IMMP2L: variants seen among roughly 807,000 people sequenced by gnomAD.
IMMP2L encodes the protein mitochondrial inner membrane protease subunit 2.
A neutral mutation model predicts 19.3 loss-of-function variants in IMMP2L; 18 were observed. That is an observed-to-expected ratio of 0.93 (90% CI 0.64 to 1.38). The LOEUF (loss-of-function observed/expected upper bound fraction) is 1.38, where lower values mean the gene tolerates loss of function less well. IMMP2L is among the 40% of genes most tolerant of loss of function. The pLI is 0.00. For synonymous variants in IMMP2L, 76 were observed against 73.0 expected (o/e 1.04, Z -0.21); for missense variants, 233 against 218.2 (o/e 1.07, Z -0.43).
intron 3 of IMMP2L, among the ~76,000 whole-genome samples, chr7:111,468,005 C>T (rs892203834): frequency 4.6e-5 from 7 of 152,038 alleles, no homozygotes; most frequent in African/African-American, 7.2e-5. Context: ...ATCTCAAATA[C>T]GCTAGGAGAA....
At chr7:111,264,950 TTTACCTGCATCTTTG>T (rs1181590839) in intron 3 of IMMP2L, among the ~76,000 whole-genome samples, 1 of 152,108 alleles carries the variant, frequency 6.6e-6, no homozygotes, top group Non-Finnish European at 1.5e-5. Context: ...TACCTTCATC[TTTACCTGCATCTTTG>T]TTACCTGCAT....
intron 5 of IMMP2L, among the ~76,000 whole-genome samples, chr7:110,863,228 C>CT (rs2129543021): frequency 6.6e-6 from 1 of 152,182 alleles, no homozygotes; most frequent in East Asian, 1.9e-4. Context: ...TTCTTGTTTC[C>CT]TTACATTTTA....
chr7:111,122,711 C>A, intron 3 of IMMP2L: 1 of 1,297,824 alleles, frequency 7.7e-7, no homozygotes, highest in Non-Finnish European at 1.1e-6. Context: ...TCCTATTGAA[C>A]TTACTAGCAC....
chr7:111,522,830 A>G (rs1409862222), intron 1 of IMMP2L, among the ~76,000 whole-genome samples: 5 of 151,406 alleles, frequency 3.3e-5, no homozygotes, highest in Non-Finnish European at 7.4e-5. Context: ...AGATATTTGC[A>G]CTCTTATGTT....
At chr7:111,331,446 C>CA (rs1825865240) in intron 3 of IMMP2L, among the ~76,000 whole-genome samples, 1 of 151,726 alleles carries the variant, frequency 6.6e-6, no homozygotes, top group South Asian at 2.1e-4. Context: ...AAATGATAAC[C>CA]AAAGGGTATA....
intron 4 of IMMP2L, among the ~76,000 whole-genome samples, chr7:110,896,683 C>T (rs1165549111): frequency 6.6e-6 from 1 of 151,996 alleles, no homozygotes; most frequent in Non-Finnish European, 1.5e-5. Flanking sequence ...GGTATTATTG[C>T]ATTTGTTTAG....
intron 3 of IMMP2L, among the ~76,000 whole-genome samples, chr7:111,149,942 G>A (rs988115891): frequency 2.6e-5 from 4 of 152,024 alleles, no homozygotes; most frequent in East Asian, 1.9e-4. Flanking sequence ...CTTATACCCC[G>A]TGAAGTAATA....
intron 5 of IMMP2L, among the ~76,000 whole-genome samples, chr7:110,818,573 A>G (rs1443206494): frequency 1.3e-5 from 2 of 152,080 alleles, no homozygotes; most frequent in Non-Finnish European, 2.9e-5. Flanking sequence ...TCAGGGATCT[A>G]GAACTAGAAA....
intron 5 of IMMP2L, among the ~76,000 whole-genome samples, chr7:110,682,153 C>A (rs1400345309): frequency 1.3e-5 from 2 of 152,108 alleles, no homozygotes; most frequent in African/African-American, 4.8e-5. Flanking sequence ...TCTCACAGCA[C>A]ACTCTGATCT....
At chr7:111,335,887 G>C (rs1316024226) in intron 3 of IMMP2L, among the ~76,000 whole-genome samples, 1 of 152,034 alleles carries the variant, frequency 6.6e-6, no homozygotes, top group African/African-American at 2.4e-5. Context: ...AAAGTTATCT[G>C]GGATGATATA....
At chr7:111,072,042 A>T (rs1484733589) in intron 3 of IMMP2L, among the ~76,000 whole-genome samples, 1 of 152,336 alleles carries the variant, frequency 6.6e-6, no homozygotes, top group Middle Eastern at 3.4e-3. Context: ...ATATAGGGCA[A>T]TTTAAGAATC....
chr7:111,544,870 G>A (rs1454970778), intron 1 of IMMP2L, among the ~76,000 whole-genome samples: 2 of 151,602 alleles, frequency 1.3e-5, no homozygotes, highest in African/African-American at 4.8e-5. Context: ...AACAAAACAG[G>A]CAGAAAATTA....
At chr7:110,913,343 A>G (rs1055343926) in intron 4 of IMMP2L, among the ~76,000 whole-genome samples, 34 of 152,166 alleles carry the variant, frequency 2.2e-4, no homozygotes, top group Non-Finnish European at 4.1e-4. Context: ...GCTAAATGTG[A>G]ACTTTCTCAA....
chr7:111,412,238 G>C (rs1834499126), intron 3 of IMMP2L, among the ~76,000 whole-genome samples: 2 of 151,730 alleles, frequency 1.3e-5, no homozygotes, highest in Non-Finnish European at 2.9e-5. Flanking sequence ...CTACTCTCTA[G>C]GTAATTGACA....
intron 4 of IMMP2L, among the ~76,000 whole-genome samples, chr7:110,946,400 T>C (rs568271633): frequency 6.6e-6 from 1 of 152,214 alleles, no homozygotes; most frequent in South Asian, 2.1e-4. Flanking sequence ...GACAAATATA[T>C]TGCAACATTT....
intron 3 of IMMP2L, among the ~76,000 whole-genome samples, chr7:111,150,769 CTT>C (rs1285277420): frequency 6.6e-6 from 1 of 152,166 alleles, no homozygotes; most frequent in Admixed American, 6.5e-5. Context: ...ATTGGCTATT[CTT>C]TTCTCAGAGA....
intron 5 of IMMP2L, among the ~76,000 whole-genome samples, chr7:110,863,047 C>T (rs549085082): frequency 4.5e-4 from 68 of 152,186 alleles, no homozygotes; most frequent in African/African-American, 1.6e-3. Context: ...ACTGCTGTTG[C>T]TATGAGTAAT....
At position 110,728,392 on chromosome 7, in the gene IMMP2L, G is replaced by C. The variant is rs35397706; in HGVS notation, c.409-64671C>G. ...TGTGTGCCTGTAAACCCAGCTACTC[G>C]GGAGGCTGAGGCACGAGAATCGCTT... On this transcript the variant is annotated intron_variant, in intron 5 of 5. Coordinates refer to ENST00000405709, the MANE Select transcript of IMMP2L (RefSeq NM_032549.4). The surrounding 1 kb of genome is among the most constrained non-coding windows in gnomAD (Gnocchi z 4.6). Among the ~76,000 whole-genome samples the C allele has an allele frequency of 0.35, 52,988 of 151,768 alleles. 11,402 individuals are homozygous for C. The highest frequency in any genetic ancestry group is 0.64 in the East Asian group (3,278 of 5,150).
chr7:110,936,056 G>C (rs1435371976), intron 4 of IMMP2L, among the ~76,000 whole-genome samples: 1 of 152,200 alleles, frequency 6.6e-6, no homozygotes, highest in Non-Finnish European at 1.5e-5. Context: ...ACTCAAGATG[G>C]ATTAAAGACT....
Sources: allele counts gnomAD v4.1 joint callset (sites outside exome capture counted in the v4.1 genomes callset), GRCh38; gene constraint gnomAD v4.1.1; non-coding constraint Gnocchi (gnomAD v3.1); transcripts MANE v1.5; gene names NCBI Gene and HGNC (gene_info 2026-07-23, HGNC 2026-07-21).